The following ADGRA3 variants were observed in gnomAD, a reference collection of about 807,000 sequenced individuals.
The protein encoded by ADGRA3 is adhesion G protein-coupled receptor A3, also known as G-protein coupled receptor 125.
ADGRA3 carries 56 observed loss-of-function variants against 119.8 expected under a neutral mutation model. The observed-to-expected ratio is 0.47, with a 90% CI of 0.38 to 0.58. The LOEUF is 0.58. Ranked by LOEUF, ADGRA3 falls within the 20% of genes least tolerant of loss-of-function variation. ADGRA3 has a pLI of 0.00. For missense variants in ADGRA3, 1,516 were observed against 1,649.0 expected (o/e 0.92, Z 1.40); for synonymous variants, 607 against 623.8 (o/e 0.97, Z 0.40).
chr4:22,492,881 T>C (rs1718680834), intron 1 of ADGRA3, among the ~76,000 whole-genome samples: 1 of 152,222 alleles, frequency 6.6e-6, no homozygotes, highest in Admixed American at 6.5e-5. Flanking sequence ...GTCACCCACA[T>C]ATATTTACAA....
chr4:22,475,584 G>T (rs1449636259), intron 1 of ADGRA3, among the ~76,000 whole-genome samples: 2 of 152,080 alleles, frequency 1.3e-5, no homozygotes, highest in Non-Finnish European at 2.9e-5. Context: ...AAAATTAGCC[G>T]GGCGTAGTGG....
At chr4:22,390,359 T>A (rs185993210) in intron 17 of ADGRA3, among the ~76,000 whole-genome samples, 4,637 of 95,746 alleles carry the variant, frequency 0.048, 548 homozygotes, top group African/African-American at 0.17. Context: ...TATATATATA[T>A]AATACGTATT....
At chr4:22,500,845 G>T (rs540077996) in intron 1 of ADGRA3, among the ~76,000 whole-genome samples, 27 of 152,148 alleles carry the variant, frequency 1.8e-4, no homozygotes, top group Non-Finnish European at 2.9e-4. Flanking sequence ...AAAGTAGACT[G>T]GTCCTCTTTA....
intron 10 of ADGRA3, among the ~76,000 whole-genome samples, chr4:22,429,906 T>A (rs988608758): frequency 6.6e-6 from 1 of 152,170 alleles, no homozygotes; most frequent in Non-Finnish European, 1.5e-5. Flanking sequence ...TCTTGAATTG[T>A]AACTCCCACA....
chr4:22,446,936 C>A (rs1042284610), intron 5 of ADGRA3, among the ~76,000 whole-genome samples: 1 of 151,822 alleles, frequency 6.6e-6, no homozygotes. Context: ...TCTAAAGCTA[C>A]AAGAAACTGT....
At chr4:22,479,004 T>C (rs1718151866) in intron 1 of ADGRA3, among the ~76,000 whole-genome samples, 1 of 152,046 alleles carries the variant, frequency 6.6e-6, no homozygotes, top group African/African-American at 2.4e-5. Context: ...ACTAATTTTC[T>C]AAACATACAA....
chr4:22,490,215 A>T (rs556751079), intron 1 of ADGRA3, among the ~76,000 whole-genome samples: 14 of 151,876 alleles, frequency 9.2e-5, no homozygotes, highest in African/African-American at 2.9e-4. Flanking sequence ...TTTTAATGCC[A>T]TAGTAGATAT....
At chr4:22,426,214 A>G (rs927287477) in intron 10 of ADGRA3, among the ~76,000 whole-genome samples, 1 of 152,112 alleles carries the variant, frequency 6.6e-6, no homozygotes, top group African/African-American at 2.4e-5. Context: ...GCATCCAACT[A>G]AACTGCCACT....
intron 1 of ADGRA3, among the ~76,000 whole-genome samples, chr4:22,488,888 A>G (rs947646974): frequency 1.3e-5 from 2 of 152,206 alleles, no homozygotes; most frequent in Admixed American, 6.5e-5. Flanking sequence ...GAAGAGTGGC[A>G]ATAATTAAAG....
At chr4:22,491,961 T>C (rs912426087) in intron 1 of ADGRA3, among the ~76,000 whole-genome samples, 1 of 152,238 alleles carries the variant, frequency 6.6e-6, no homozygotes, top group African/African-American at 2.4e-5. Context: ...TCAGATCAAT[T>C]GCAAATGTAT....
chr4:22,471,246 G>C (rs1717849596), intron 2 of ADGRA3, among the ~76,000 whole-genome samples: 1 of 152,042 alleles, frequency 6.6e-6, no homozygotes, highest in Non-Finnish European at 1.5e-5. Context: ...CCACTTATAA[G>C]GGGGAGCTAA....
chr4:22,412,993 G>C (rs562050228), intron 14 of ADGRA3, among the ~76,000 whole-genome samples, 189 bp downstream of exon 14: 1 of 150,902 alleles, frequency 6.6e-6, no homozygotes, highest in South Asian at 2.1e-4. Flanking sequence ...ATTTCACTTG[G>C]TAGTAACTTA....
At chr4:22,464,142 AAAAC>A (rs1199527481) in intron 2 of ADGRA3, among the ~76,000 whole-genome samples, 2 of 152,198 alleles carry the variant, frequency 1.3e-5, no homozygotes, top group Admixed American at 6.5e-5. Context: ...AATATTTTAA[AAAAC>A]AAAATGATTA....
At chr4:22,408,372 G>C (rs1200554482) in intron 14 of ADGRA3, among the ~76,000 whole-genome samples, 1 of 151,890 alleles carries the variant, frequency 6.6e-6, no homozygotes, top group Non-Finnish European at 1.5e-5. Flanking sequence ...TGAACTGGGA[G>C]AAGATGTATG....
chr4:22,504,822 C>A (rs1035266724), intron 1 of ADGRA3, among the ~76,000 whole-genome samples: 1 of 152,004 alleles, frequency 6.6e-6, no homozygotes, highest in African/African-American at 2.4e-5. Context: ...GTTCTCAACC[C>A]AAGTGTTACC....
intron 1 of ADGRA3, among the ~76,000 whole-genome samples, chr4:22,504,167 GA>G (rs1229762553): frequency 6.7e-6 from 1 of 150,202 alleles, no homozygotes; most frequent in Non-Finnish European, 1.5e-5. Context: ...GAGTACTCAA[GA>G]AAAAAAGATT....
Position 22,406,701 on chromosome 4 carries a change from C to G in ADGRA3, c.2233-3902G>C, listed in dbSNP as rs1368379064. Among the ~76,000 whole-genome samples the G allele has an allele frequency of 5.9e-5, 9 of 151,910 alleles. No individual in the cohort carries two copies. In the East Asian group the frequency reaches 1.7e-3, roughly 29 times the overall value. ...TTCCTTATTATTCTGTTATTAATCC[C>G]ACAAGAGCATTTTTGACCTGCCCAC... On this transcript the variant is annotated intron_variant, in intron 14 of 18. Transcript: ENST00000334304.
intron 1 of ADGRA3, among the ~76,000 whole-genome samples, chr4:22,491,084 A>G (rs1181841942): frequency 6.6e-6 from 1 of 152,238 alleles, no homozygotes; most frequent in African/African-American, 2.4e-5. Flanking sequence ...CATCCAGGAA[A>G]AAAACTGGAA....
intron 11 of ADGRA3, among the ~76,000 whole-genome samples, chr4:22,423,196 C>T (rs1715782756): frequency 6.7e-6 from 1 of 148,910 alleles, no homozygotes; most frequent in Non-Finnish European, 1.5e-5. Flanking sequence ...CTCCATCCCC[C>T]CAAAAATAAA....
Sources: allele counts gnomAD v4.1 joint callset (sites outside exome capture counted in the v4.1 genomes callset), GRCh38; gene constraint gnomAD v4.1.1; transcripts MANE v1.5; gene names NCBI Gene and HGNC (gene_info 2026-07-23, HGNC 2026-07-21).